The following MOV10L1 variants were observed in gnomAD, a reference collection of about 807,000 sequenced individuals.
MOV10L1 encodes Mov10 like RNA helicase 1.
In MOV10L1, 110 loss-of-function variants were observed where a neutral mutation model predicts 143.8. The ratio of observed to expected loss-of-function variants is 0.76; its 90% CI spans 0.66 to 0.90. MOV10L1 has a LOEUF of 0.90. Ranked by LOEUF, MOV10L1 falls within the 40% of genes least tolerant of loss-of-function variation. The probability of loss-of-function intolerance (pLI) is 0.00; values close to 1 mark genes in which losing one functional copy is unlikely to be tolerated. For synonymous variants in MOV10L1, 593 were observed against 581.1 expected (o/e 1.02, Z -0.29); for missense variants, 1,406 against 1,526.8 (o/e 0.92, Z 1.32).
rs1251208008 is a variant in MOV10L1, at chr22:50,160,979, G to T, written c.3478G>T (p.Ala1160Ser). Reference sequence around the variant, plus strand: ...TTGCCAACAGGACCCCTGTTTTGGTGCTTTGCTGGAATACAGTATTACAAA... The same window carrying T: ...TTGCCAACAGGACCCCTGTTTTGGTTCTTTGCTGGAATACAGTATTACAAA... ...HVLVRDPCFG[A>S]LLEYSITNGV... is the part of the protein sequence containing the mutation. Residue 1160 changes from alanine to serine, a missense_variant, in exon 26 of 27, where the codon GCT (alanine) becomes TCT (serine). Transcript: ENST00000262794. 6.2e-7 allele frequency: 1 copy of T among 1,614,050 alleles called. No individual in the cohort carries two copies. Among genetic ancestry groups the T allele is most frequent in the Non-Finnish European group, 8.5e-7 (1 of 1,180,024 alleles).
chr22:50,103,158 C>T (rs1387945474), intron 3 of MOV10L1, among the ~76,000 whole-genome samples: 6 of 152,272 alleles, frequency 3.9e-5, no homozygotes, highest in African/African-American at 7.2e-5. Context: ...GAGGGGAACA[C>T]GTGGTTGTAG....
At chr22:50,094,474 A>G (rs1287114925) in intron 2 of MOV10L1, 1 of 145,666 alleles carries the variant, frequency 6.9e-6, no homozygotes, top group Non-Finnish European at 1.5e-5. Context: ...ATCTTGGCTC[A>G]CTGCAAGCTC....
At chr22:50,157,987 A>C (rs1172651219) in intron 22 of MOV10L1, 70 bp from the exon 23 acceptor site, 1 of 1,536,528 alleles carries the variant, frequency 6.5e-7, no homozygotes, top group Non-Finnish European at 8.8e-7. Flanking sequence ...CACCGACTTC[A>C]GCTCCTGGAT....
At chr22:50,099,030 A>G (rs1186111717) in intron 2 of MOV10L1, among the ~76,000 whole-genome samples, 1 of 152,190 alleles carries the variant, frequency 6.6e-6, no homozygotes, top group Non-Finnish European at 1.5e-5. Flanking sequence ...ATGGGGTATA[A>G]TCCTTTTAAT....
intron 10 of MOV10L1, among the ~76,000 whole-genome samples, chr22:50,122,493 A>G (rs1340904086): frequency 2.0e-5 from 3 of 152,188 alleles, no homozygotes. Context: ...GCCATCTGCA[A>G]ACAGATAATT....
At chr22:50,114,766 C>T (rs2062123010) in intron 7 of MOV10L1, 144 bp downstream of exon 7, 13 of 1,270,596 alleles carry the variant, frequency 1.0e-5, no homozygotes, top group Middle Eastern at 2.4e-4. Context: ...CGGCTTCAGG[C>T]CCTTCTCTTG....
intron 15 of MOV10L1, among the ~76,000 whole-genome samples, chr22:50,141,178 G>C (rs2062974243): frequency 6.6e-6 from 1 of 152,072 alleles, no homozygotes; most frequent in Admixed American, 6.5e-5. Context: ...AGCCTCCCGA[G>C]TAGCTGGTGG....
chr22:50,150,583 C>A, intron 20 of MOV10L1, 152 bp from the exon 21 acceptor site: 1 of 865,560 alleles, frequency 1.2e-6, no homozygotes, highest in Non-Finnish European at 1.7e-6. Context: ...CAAGCCCTGT[C>A]GGCATTCCCT....
intron 3 of MOV10L1, among the ~76,000 whole-genome samples, chr22:50,100,779 A>G (rs764308745): frequency 1.1e-4 from 17 of 152,362 alleles, no homozygotes; most frequent in Non-Finnish European, 2.4e-4. Flanking sequence ...TGCTGGGATT[A>G]CAGGCGTGAG....
rs1420705269 is a variant in MOV10L1, at chr22:50,134,030, T to G, written c.1934T>G (p.Phe645Cys). Reference sequence around the variant, plus strand: ...AGGACCACAAGCAGACGGTGTCACTTTGCACTTGAACACGTCATCCACTTA... The same window carrying G: ...AGGACCACAAGCAGACGGTGTCACTGTGCACTTGAACACGTCATCCACTTA... Reference protein sequence around the residue: ...YNRTTSRRCHFALEHVIHLGV... With the variant: ...YNRTTSRRCHCALEHVIHLGV... The change falls in exon 14 of 27, where the codon TTT becomes TGT. Residue 645 changes from phenylalanine (F) to cysteine (C), a missense_variant. This residue lies in a region of MOV10L1 where 1,233 missense variants were observed against 1,351.4 expected (regional missense o/e 0.91). Transcript: ENST00000262794. 1 of 1,612,486 alleles carries G rather than the reference T, an allele frequency of 6.2e-7. No homozygotes were observed. The highest frequency in any genetic ancestry group is 1.7e-5 in the Admixed American group (1 of 59,364).
rs956231943 is a variant in MOV10L1 at position 50,147,221 on chromosome 22, G to A, written c.2627+1411G>A. On this transcript the variant is annotated intron_variant, in intron 19 of 26. Transcript: ENST00000262794. ...CACTCTGTGCAGAAGCAGGGAGGGTGCTGCAGGCCGCTCTCTCAGAGGCGC... is the reference window on the plus strand; with the variant it reads ...CACTCTGTGCAGAAGCAGGGAGGGTACTGCAGGCCGCTCTCTCAGAGGCGC... The A allele has an allele frequency of 6.7e-6, 5 of 747,304 alleles. No homozygotes were observed. The African/African-American group carries it at 9.7e-5, about 15-fold the overall frequency. 46.3% of individuals were successfully genotyped at this position (747,304 alleles called of 1,614,324 possible).
intron 8 of MOV10L1, among the ~76,000 whole-genome samples, chr22:50,115,457 G>A (rs909163881): frequency 5.9e-5 from 9 of 152,282 alleles, no homozygotes; most frequent in Non-Finnish European, 1.0e-4. Flanking sequence ...GGAGGCTGAG[G>A]CAGTAGAATC....
intron 5 of MOV10L1, among the ~76,000 whole-genome samples, chr22:50,110,819 T>C (rs1476630598): frequency 8.6e-5 from 13 of 151,878 alleles, no homozygotes; most frequent in Admixed American, 8.5e-4. Context: ...TAATCCCAGC[T>C]ACTCTGGAGG....
chr22:50,140,074 A>G (rs2340602), intron 15 of MOV10L1, among the ~76,000 whole-genome samples: 34,620 of 152,130 alleles, frequency 0.23, 4,308 homozygotes, highest in Admixed American at 0.35. Context: ...AAACGAAACA[A>G]CCCAGTGTCC....
Position 50,158,350 on chromosome 22 carries a change from C to A in MOV10L1, c.3216+144C>A. ...GGCAGGACCGCACTTGAATGTCGTT[C>A]AACATGAGAGGTCACCCAACTGCCA... On this transcript the variant is annotated intron_variant, in intron 23 of 26. Coordinates refer to ENST00000262794, the MANE Select transcript of MOV10L1 (RefSeq NM_018995.3). This position sits in a 1 kb window ranked among gnomAD's most constrained non-coding sequence, Gnocchi z 5.0. The A allele has an allele frequency of 1.9e-6, 2 of 1,029,176 alleles. No homozygotes were observed. The highest frequency in any genetic ancestry group is 2.8e-6 in the Non-Finnish European group (2 of 725,464). The allele number at this position is 1,029,176 out of a possible 1,614,324, so 63.8% of individuals were successfully genotyped here.
intron 15 of MOV10L1, among the ~76,000 whole-genome samples, chr22:50,138,633 C>T (rs916069511): frequency 1.3e-5 from 2 of 151,974 alleles, no homozygotes; most frequent in African/African-American, 2.4e-5. Flanking sequence ...AGTGATTTTG[C>T]AAGATACAAG....
chr22:50,101,360 T>C (rs1221416016), intron 3 of MOV10L1, among the ~76,000 whole-genome samples: 2 of 152,018 alleles, frequency 1.3e-5, no homozygotes, highest in African/African-American at 4.8e-5. Context: ...GGACTACAGG[T>C]GCCCGCCACC....
At chr22:50,137,527 T>C (rs1051788228) in intron 15 of MOV10L1, among the ~76,000 whole-genome samples, 5 of 151,540 alleles carry the variant, frequency 3.3e-5, no homozygotes, top group Non-Finnish European at 7.4e-5. Flanking sequence ...GGCAATAGAA[T>C]ACAGCAAGAC....
rs760900880 is a variant in MOV10L1 at position 50,161,461 on chromosome 22, T to C, written c.*12T>C. 22 of 1,574,374 alleles carry C rather than the reference T, an allele frequency of 1.4e-5. No individual in the cohort carries two copies. In the Admixed American group the frequency reaches 3.5e-4, roughly 25 times the overall value. On this transcript the variant is annotated 3_prime_UTR_variant, in exon 27 of 27. Transcript: ENST00000262794. ...AGGAGCCCAGCTGATCTGCAGTGGC[T>C]GACAGCAGGGAGGCCATGTGCTCAG...
Sources: gnomAD v4.1 joint callset for allele counts (sites outside exome capture counted in the v4.1 genomes callset) on GRCh38, gnomAD v4.1.1 for gene constraint, gnomAD v4.1.1 regional missense constraint, Gnocchi (gnomAD v3.1) non-coding constraint, MANE v1.5 for transcripts, NCBI Gene and HGNC (gene_info 2026-07-23, HGNC 2026-07-21) for gene names.